Variants in PRDM15 observed in about 807,000 individuals in gnomAD.
PRDM15 encodes the protein PR/SET domain 15.
Under a neutral mutation model 128.6 loss-of-function variants are expected in PRDM15, and 64 were observed. The ratio of observed to expected loss-of-function variants is 0.50; its 90% CI spans 0.41 to 0.61. The LOEUF is 0.61. Among genes scored for constraint, PRDM15 ranks in the 20% least tolerant of loss-of-function variants. PRDM15 has a pLI of 0.00. For synonymous variants in PRDM15, 615 were observed against 621.8 expected (o/e 0.99, Z 0.16); for missense variants, 1,242 against 1,569.1 (o/e 0.79, Z 3.52).
At chr21:41,861,946 G>C (rs751114154) in intron 1 of PRDM15, 2 of 1,613,762 alleles carry the variant, frequency 1.2e-6, no homozygotes, top group African/African-American at 1.3e-5. Flanking sequence ...AAGGTATCTC[G>C]TGCGGCTCTA....
At position 41,811,001 on chromosome 21, in the gene PRDM15, CAA is replaced by C; in HGVS notation, c.2393-167_2393-166del. 1.7e-6 allele frequency: 1 copy of C among 592,588 alleles called. No individual in the cohort carries two copies. The highest frequency in any genetic ancestry group is 2.8e-5 in the East Asian group (1 of 35,886). 36.7% of individuals were successfully genotyped at this position (592,588 alleles called of 1,614,324 possible). On this transcript the variant is annotated intron_variant, in intron 19 of 23. Coordinates refer to ENST00000398548, the MANE Select transcript of PRDM15 (RefSeq NM_001040424.3). The surrounding 1 kb of genome is among the most constrained non-coding windows in gnomAD (Gnocchi z 4.1). ...AACGCTCATCCCCAGCCTCGGCCAG[CAA>C]AGTGTGGCTTGGAAAGTTTATGCTT...
At chr21:41,878,400 G>A (rs1569037929) in intron 1 of PRDM15, among the ~76,000 whole-genome samples, 1 of 152,200 alleles carries the variant, frequency 6.6e-6, no homozygotes, top group Non-Finnish European at 1.5e-5. Context: ...AAGGTAAATG[G>A]GTGATAACTC....
intron 19 of PRDM15, chr21:41,812,624 C>G (rs1022772270): frequency 4.6e-5 from 7 of 152,196 alleles, no homozygotes; most frequent in African/African-American, 1.7e-4. Context: ...CAAAGCCTCT[C>G]AGATGATTCA....
At chr21:41,815,871 C>T in intron 18 of PRDM15, 35 bp from the exon 19 acceptor site, 1 of 1,606,988 alleles carries the variant, frequency 6.2e-7, no homozygotes, top group South Asian at 1.1e-5. Flanking sequence ...GCGGCCACAC[C>T]CCCACGCAGC....
chr21:41,846,663 C>T (rs2063274799), intron 6 of PRDM15, among the ~76,000 whole-genome samples: 2 of 152,216 alleles, frequency 1.3e-5, no homozygotes, highest in Admixed American at 6.5e-5. Context: ...TGCCACTGCA[C>T]TCCAGCCTGG....
intron 1 of PRDM15, among the ~76,000 whole-genome samples, chr21:41,861,324 C>G (rs978898133): frequency 1.3e-5 from 2 of 152,324 alleles, no homozygotes; most frequent in Admixed American, 6.5e-5. Flanking sequence ...TGAGGTTCAC[C>G]TCCAGAAACA....
intron 16 of PRDM15, among the ~76,000 whole-genome samples, chr21:41,820,745 G>A (rs1424646580): frequency 6.6e-6 from 1 of 152,244 alleles, no homozygotes; most frequent in East Asian, 1.9e-4. Flanking sequence ...TATGTCAGAT[G>A]TGGCCTGGCA....
At position 41,815,793 on chromosome 21, in the gene PRDM15, G is replaced by A. The variant is rs2062029966; in HGVS notation, c.2304C>T (p.His768=). The part of the protein sequence containing the change: ...KHALRHHMKL[H]KGIKEYECKE... ...TGCACTCGTACTCCTTGATGCCCTTGTGCAGCTTCATGTGGTGGCGCAGCG... is the reference window on the plus strand; with the variant it reads ...TGCACTCGTACTCCTTGATGCCCTTATGCAGCTTCATGTGGTGGCGCAGCG... Residue 768 remains histidine, a synonymous_variant, in exon 19 of 24, where the codon CAC becomes CAT. Coordinates refer to ENST00000398548, the MANE Select transcript of PRDM15 (RefSeq NM_001040424.3). 6.2e-7 allele frequency: 1 copy of A among 1,614,070 alleles called. No homozygotes were observed. The highest frequency in any genetic ancestry group is 8.5e-7 in the Non-Finnish European group (1 of 1,179,964).
chr21:41,836,717 G>T, intron 8 of PRDM15, 68 bp from the exon 9 acceptor site: 1 of 1,381,732 alleles, frequency 7.2e-7, no homozygotes, highest in Non-Finnish European at 1.0e-6. Flanking sequence ...CAAGCAGCAT[G>T]AAAACGGCCT....
chr21:41,829,663 CCA>C (rs1200512997), intron 11 of PRDM15, among the ~76,000 whole-genome samples: 2 of 151,286 alleles, frequency 1.3e-5, no homozygotes, highest in South Asian at 2.1e-4. Flanking sequence ...TCAACACATA[CCA>C]CACATACACC....
At position 41,839,807 on chromosome 21, in the gene PRDM15, G is replaced by T; in HGVS notation, c.687C>A (p.Gly229=). 6.2e-7 allele frequency: 1 copy of T among 1,614,266 alleles called. No homozygotes were observed. The highest frequency in any genetic ancestry group is 1.1e-5 in the South Asian group (1 of 91,086). Residue 229 remains glycine (G), a synonymous_variant, in exon 7 of 24, where the codon GGC becomes GGA. Coordinates refer to ENST00000398548, the MANE Select transcript of PRDM15 (RefSeq NM_001040424.3). ...HLEQAKSLPP[G]SQSEAAAPEK... ...CGGGAGCTGCTGCCTCGCTTTGGCT[G>T]CCTGGAGGAAGGCTTTTGGCTTGTT...
intron 6 of PRDM15, among the ~76,000 whole-genome samples, chr21:41,840,302 C>T (rs893854296): frequency 7.2e-5 from 11 of 152,012 alleles, no homozygotes; most frequent in Non-Finnish European, 1.5e-5. Flanking sequence ...AAAAGTTAGC[C>T]GGGTGTGGTG....
chr21:41,819,816 C>A (rs2062187396), intron 17 of PRDM15, 115 bp from the exon 18 acceptor site: 4 of 1,387,260 alleles, frequency 2.9e-6, no homozygotes, highest in Middle Eastern at 2.4e-4. Flanking sequence ...AGCGCAGTAA[C>A]AGGGGTGGGG....
intron 11 of PRDM15, among the ~76,000 whole-genome samples, chr21:41,829,818 A>C (rs943774793): frequency 1.3e-5 from 2 of 151,308 alleles, no homozygotes; most frequent in Non-Finnish European, 1.5e-5. Context: ...CACCACACAC[A>C]CCCCACATAC....
chr21:41,851,671 G>T (rs1328172724), intron 5 of PRDM15, among the ~76,000 whole-genome samples: 1 of 152,148 alleles, frequency 6.6e-6, no homozygotes, highest in African/African-American at 2.4e-5. Flanking sequence ...GTGGACCCCA[G>T]GGAAAGTTCC....
intron 3 of PRDM15, 37 bp from the exon 4 acceptor site, chr21:41,857,366 C>T (rs767640893): frequency 1.9e-6 from 3 of 1,610,750 alleles, no homozygotes; most frequent in African/African-American, 2.7e-5. Context: ...AAAGAGAGCA[C>T]TCACACCCAG....
intron 1 of PRDM15, among the ~76,000 whole-genome samples, chr21:41,866,241 C>T (rs768833542): frequency 1.8e-4 from 28 of 152,242 alleles, no homozygotes; most frequent in Non-Finnish European, 1.2e-4. Flanking sequence ...GCACAAGTTA[C>T]GCCAAGAAAG....
At chr21:41,870,437 C>T (rs975428999) in intron 1 of PRDM15, among the ~76,000 whole-genome samples, 9 of 152,102 alleles carry the variant, frequency 5.9e-5, no homozygotes, top group South Asian at 2.1e-4. Flanking sequence ...GCTGGGCACA[C>T]GGCCTCGTGA....
intron 11 of PRDM15, among the ~76,000 whole-genome samples, chr21:41,829,128 CCA>C (rs1413324276): frequency 1.2e-4 from 18 of 149,492 alleles, no homozygotes; most frequent in African/African-American, 3.7e-4. Flanking sequence ...ACTCAACATA[CCA>C]CACACACATG....
Sources: gnomAD v4.1 joint callset for allele counts (sites outside exome capture counted in the v4.1 genomes callset) on GRCh38, gnomAD v4.1.1 for gene constraint, Gnocchi (gnomAD v3.1) non-coding constraint, MANE v1.5 for transcripts, NCBI Gene and HGNC (gene_info 2026-07-23, HGNC 2026-07-21) for gene names.